CWC22: variants seen among roughly 807,000 people sequenced by gnomAD.
CWC22 encodes CWC22 spliceosome associated protein, also known as pre-mRNA-splicing factor CWC22 homolog.
Under a neutral mutation model 117.2 loss-of-function variants are expected in CWC22, and 53 were observed. The ratio of observed to expected loss-of-function variants is 0.45; its 90% confidence interval spans 0.36 to 0.57. The LOEUF (loss-of-function observed/expected upper bound fraction) is 0.57, where lower values mean the gene tolerates loss of function less well. Among genes scored for constraint, CWC22 ranks in the 20% least tolerant of loss-of-function variants. The probability of loss-of-function intolerance (pLI) is 0.00; values close to 1 mark genes in which losing one functional copy is unlikely to be tolerated. For missense variants in CWC22, 980 were observed against 1,068.8 expected (o/e 0.92, Z 1.16); for synonymous variants, 360 against 355.6 (o/e 1.01, Z -0.14).
intron 4 of CWC22, among the ~76,000 whole-genome samples, chr2:179,983,294 G>A (rs1462600297): frequency 6.6e-6 from 1 of 152,062 alleles, no homozygotes; most frequent in East Asian, 1.9e-4. Context: ...AGGCCCCAGT[G>A]TGTGTTGTTC....
chr2:179,984,547 T>TG (rs113859812), intron 4 of CWC22, among the ~76,000 whole-genome samples: 315 of 151,996 alleles, frequency 2.1e-3, no homozygotes, highest in African/African-American at 7.0e-3. Flanking sequence ...AAAATTCCTG[T>TG]GGGGGGTATA....
At chr2:179,956,287 C>G (rs1173588839) in intron 14 of CWC22, among the ~76,000 whole-genome samples, 1 of 151,614 alleles carries the variant, frequency 6.6e-6, no homozygotes, top group East Asian at 1.9e-4. Context: ...AACATGGTAG[C>G]CGCTAGCCAT....
chr2:179,964,680 T>C lies in CWC22; in HGVS notation c.1316-52A>G, dbSNP rs1686845429. The stretch of plus-strand genomic sequence containing the variant: ...AACTGCAAAAATAAATGTGATGAAG[T>C]TAAAATGTAACTCTGTATAGCATTT... On this transcript the variant is annotated intron_variant, in intron 12 of 19. Transcript: ENST00000410053. 3 of 925,862 alleles carry C rather than the reference T, an allele frequency of 3.2e-6. No homozygotes were observed. The East Asian group carries it at 8.0e-5, about 25-fold the overall frequency. The allele number at this position is 925,862 out of a possible 1,614,324, so 57.4% of individuals were successfully genotyped here. A position where few individuals can be genotyped will look rare whatever the true frequency, so the allele number is the denominator to read the frequency against.
chr2:179,996,277 A>T lies in CWC22; in HGVS notation c.-113-2823T>A, dbSNP rs72962515. On this transcript the variant is annotated intron_variant, in intron 1 of 19. Coordinates refer to ENST00000410053, the MANE Select transcript of CWC22 (RefSeq NM_020943.3). ...ATCCAGATCCTGGAATTAGTATATA[A>T]GGTTTTTAAAGCATGGTTTTTAAAA... 7.7e-3 allele frequency among the ~76,000 whole-genome samples: 1,173 copies of T among 152,344 alleles called. 10 individuals are homozygous for T. The highest frequency in any genetic ancestry group is 0.013 in the Non-Finnish European group (853 of 68,024).
At chr2:179,948,094 T>C (rs753658192) in intron 19 of CWC22, among the ~76,000 whole-genome samples, 10 of 152,218 alleles carry the variant, frequency 6.6e-5, no homozygotes, top group Non-Finnish European at 1.2e-4. Flanking sequence ...AAACCTGTGC[T>C]CCTGCTGAAA....
chr2:179,992,428 T>G (rs1008597859), intron 2 of CWC22, among the ~76,000 whole-genome samples: 9 of 152,170 alleles, frequency 5.9e-5, no homozygotes, highest in African/African-American at 2.2e-4. Context: ...TCCCCAGATA[T>G]CGGCATAGTT....
chr2:179,980,789 G>A (rs995088919), intron 5 of CWC22, among the ~76,000 whole-genome samples: 26 of 152,046 alleles, frequency 1.7e-4, no homozygotes, highest in African/African-American at 6.0e-4. Context: ...ATTCCTGTCT[G>A]GCTCACCTTG....
chr2:179,963,284 G>C (rs17778713), intron 13 of CWC22, among the ~76,000 whole-genome samples: 21,658 of 141,226 alleles, frequency 0.15, 1,939 homozygotes, highest in Admixed American at 0.3. Flanking sequence ...TCACCTCTGA[G>C]AAAATATTTC....
chr2:179,962,762 C>T (rs936671428), intron 13 of CWC22, among the ~76,000 whole-genome samples: 1 of 151,906 alleles, frequency 6.6e-6, no homozygotes, highest in Non-Finnish European at 1.5e-5. Context: ...ATTCACATTA[C>T]GTAGCAGGGT....
chr2:179,949,991 T>C (rs1215091702), intron 19 of CWC22, among the ~76,000 whole-genome samples: 2 of 152,048 alleles, frequency 1.3e-5, no homozygotes, highest in Non-Finnish European at 2.9e-5. Flanking sequence ...GTAGCTGCCA[T>C]GAGGATGGAA....
At chr2:179,953,546 C>T (rs1686508438) in intron 16 of CWC22, among the ~76,000 whole-genome samples, 1 of 152,124 alleles carries the variant, frequency 6.6e-6, no homozygotes, top group African/African-American at 2.4e-5. Flanking sequence ...ATAATTCACT[C>T]TGAATACACA....
At chr2:179,966,231 A>G (rs6733426) in intron 11 of CWC22, among the ~76,000 whole-genome samples, 135,734 of 152,168 alleles carry the variant, frequency 0.89, 60,583 homozygotes, top group East Asian at 1. Flanking sequence ...AAGGAGATGA[A>G]AAAAACAAAG....
chr2:179,945,177 C>T lies in CWC22; in HGVS notation c.2679G>A (p.Lys893=). 3 of 1,603,794 alleles carry T rather than the reference C, an allele frequency of 1.9e-6. No homozygotes were observed. The highest frequency in any genetic ancestry group is 1.7e-5 in the Admixed American group (1 of 57,610). ...SRYSEQSRES[K]KNQDRRREKS... ...TTTCTCTTCGCCGGTCCTGATTTTT[C>T]TTTGATTCTCTGGATTGTTCAGAGT... Residue 893 remains lysine, a synonymous_variant, in exon 20 of 20, where the codon AAG becomes AAA. Coordinates refer to ENST00000410053, the MANE Select transcript of CWC22 (RefSeq NM_020943.3).
At chr2:179,978,568 A>G (rs1380849316) in intron 5 of CWC22, among the ~76,000 whole-genome samples, 1 of 152,150 alleles carries the variant, frequency 6.6e-6, no homozygotes, top group Non-Finnish European at 1.5e-5. Flanking sequence ...GTAAGGATAT[A>G]TAAGGATAAC....
rs377152431 is a variant in CWC22 at position 179,950,962 on chromosome 2, T to G, written c.1818-36A>C. The G allele has an allele frequency of 4.0e-6, 5 of 1,261,438 alleles. No individual in the cohort carries two copies. The African/African-American group carries it at 7.6e-5, about 19-fold the overall frequency. The allele number at this position is 1,261,438 out of a possible 1,614,324, so 78.1% of individuals were successfully genotyped here. Reference sequence around the variant, plus strand: ...AAAAAATAAACAAAAGAGAACACATTGCTTAAAGATAAAAAGGTAAAATCC... The same window carrying G: ...AAAAAATAAACAAAAGAGAACACATGGCTTAAAGATAAAAAGGTAAAATCC... On this transcript the variant is annotated intron_variant, in intron 17 of 19. Transcript: ENST00000410053.
chr2:179,997,292 T>G (rs1687730272), intron 1 of CWC22, among the ~76,000 whole-genome samples: 2 of 151,722 alleles, frequency 1.3e-5, no homozygotes, highest in Non-Finnish European at 2.9e-5. Context: ...AAGTTAAGGA[T>G]ATATATATAC....
At chr2:179,954,912 A>T in intron 15 of CWC22, 45 bp downstream of exon 15, 1 of 1,097,216 alleles carries the variant, frequency 9.1e-7, no homozygotes, top group Non-Finnish European at 1.4e-6. Flanking sequence ...TCATTAATTT[A>T]CAATATTCGT....
intron 1 of CWC22, among the ~76,000 whole-genome samples, chr2:180,003,545 A>G (rs149488166): frequency 6.6e-6 from 1 of 152,350 alleles, no homozygotes; most frequent in East Asian, 1.9e-4. Flanking sequence ...TCTGGTTTAA[A>G]GAAAACTTGG....
At chr2:179,973,849 T>C in intron 6 of CWC22, 47 bp from the exon 7 acceptor site, 1 of 1,140,360 alleles carries the variant, frequency 8.8e-7, no homozygotes, top group African/African-American at 1.6e-5. Context: ...ATCACCAAAT[T>C]AATTAAACGA....
Sources: gnomAD v4.1 joint callset for allele counts (sites outside exome capture counted in the v4.1 genomes callset) on GRCh38, gnomAD v4.1.1 for gene constraint, MANE v1.5 for transcripts, NCBI Gene and HGNC (gene_info 2026-07-23, HGNC 2026-07-21) for gene names.